FBXO42: variants seen among roughly 807,000 people sequenced by gnomAD.
FBXO42 encodes F-box only protein 42.
Under a neutral mutation model 71.7 loss-of-function variants are expected in FBXO42, and 12 were observed. The ratio of observed to expected loss-of-function variants is 0.17; its 90% CI spans 0.11 to 0.27. FBXO42 has a LOEUF of 0.27. FBXO42 is among the 10% of genes least tolerant of loss of function. The pLI, the probability that FBXO42 is intolerant of heterozygous loss-of-function variation, is 1.00. For missense variants in FBXO42, 707 were observed against 911.9 expected (o/e 0.78, Z 2.89); for synonymous variants, 325 against 327.5 (o/e 0.99, Z 0.08).
chr1:16,287,249 C>T lies in FBXO42; in HGVS notation c.502+7534G>A, dbSNP rs912122260. Among the ~76,000 whole-genome samples, 5 of 152,328 alleles carry T rather than the reference C, an allele frequency of 3.3e-5. No individual in the cohort carries two copies. In the East Asian group the frequency reaches 7.7e-4, roughly 23 times the overall value. On this transcript the variant is annotated intron_variant, in intron 4 of 9. Transcript: ENST00000375592. ...CTGATTATTCTCTGTTTGAAACATT[C>T]GTTTCTCAGATACCCACATGGCTCA...
chr1:16,336,354 T>G (rs2082553438), intron 1 of FBXO42, among the ~76,000 whole-genome samples: 1 of 151,616 alleles, frequency 6.6e-6, no homozygotes, highest in Non-Finnish European at 1.5e-5. Flanking sequence ...CTGCCCTTTT[T>G]TGTTTGTTTT....
At chr1:16,317,854 G>A (rs2082381837) in intron 1 of FBXO42, among the ~76,000 whole-genome samples, 1 of 151,336 alleles carries the variant, frequency 6.6e-6, no homozygotes, top group Admixed American at 6.6e-5. Context: ...AAGAGTTTGA[G>A]GCTACAGGAA....
intron 1 of FBXO42, among the ~76,000 whole-genome samples, chr1:16,342,071 GT>G (rs949395776): frequency 1.3e-5 from 2 of 151,488 alleles, no homozygotes; most frequent in African/African-American, 4.8e-5. Flanking sequence ...GAGCCCAGGG[GT>G]TCAGGACCAC....
chr1:16,350,754 A>G (rs868113894), intron 1 of FBXO42, among the ~76,000 whole-genome samples: 14 of 121,494 alleles, frequency 1.2e-4, no homozygotes, highest in South Asian at 2.4e-4. Context: ...AAAAAAAAAA[A>G]AAAAAAGAAA....
intron 2 of FBXO42, among the ~76,000 whole-genome samples, chr1:16,310,572 A>C (rs1359850776): frequency 1.3e-5 from 2 of 152,096 alleles, no homozygotes; most frequent in Non-Finnish European, 2.9e-5. Context: ...TTAAAACTAA[A>C]AGTTTCTGCT....
intron 4 of FBXO42, among the ~76,000 whole-genome samples, chr1:16,269,151 C>G (rs2081811203): frequency 6.8e-6 from 1 of 147,160 alleles, no homozygotes; most frequent in African/African-American, 2.5e-5. Flanking sequence ...GTCACCCAGA[C>G]TGGAGTGCAG....
chr1:16,256,283 C>T (rs972015537), intron 5 of FBXO42, among the ~76,000 whole-genome samples: 1 of 152,222 alleles, frequency 6.6e-6, no homozygotes, highest in African/African-American at 2.4e-5. Flanking sequence ...TCTGGATCTA[C>T]AACACTCCTG....
Position 16,250,861 on chromosome 1 carries a change from T to C in FBXO42, c.1963A>G (p.Lys655Glu), listed in dbSNP as rs1424443067. The part of the protein sequence containing the change: ...QMYVLDIKDT[K>E]EKGRVKWKVF... Reference sequence around the variant, plus strand: ...TTCCATTTGACCCGCCCCTTCTCCTTGGTGTCTTTAATGTCCAGCACGTAC... The same window carrying C: ...TTCCATTTGACCCGCCCCTTCTCCTCGGTGTCTTTAATGTCCAGCACGTAC... The change falls in exon 10 of 10, where the codon AAG becomes GAG. Residue 655 changes from lysine (K) to glutamate (E), a missense_variant. By Grantham distance (56) the Lys-to-Glu change is moderately conservative. Transcript: ENST00000375592. The surrounding 1 kb of genome is among the most constrained non-coding windows in gnomAD (Gnocchi z 4.7). 6.2e-7 allele frequency: 1 copy of C among 1,613,972 alleles called. No homozygotes were observed. The highest frequency in any genetic ancestry group is 8.5e-7 in the Non-Finnish European group (1 of 1,180,024).
At chr1:16,346,333 A>G (rs2082653899) in intron 1 of FBXO42, among the ~76,000 whole-genome samples, 1 of 152,316 alleles carries the variant, frequency 6.6e-6, no homozygotes, top group African/African-American at 2.4e-5. Context: ...ATTACCAGCT[A>G]AAACCAAAAC....
intron 4 of FBXO42, chr1:16,294,283 G>A (rs2082107653): frequency 6.6e-6 from 1 of 152,324 alleles, no homozygotes; most frequent in African/African-American, 2.4e-5. Context: ...GGCATAGTGG[G>A]ACTGGGTAGG....
chr1:16,275,496 G>A (rs1159985850), intron 4 of FBXO42, among the ~76,000 whole-genome samples: 2 of 152,126 alleles, frequency 1.3e-5, no homozygotes, highest in African/African-American at 4.8e-5. Context: ...GTTCATGCCT[G>A]TAGTCCTTGC....
At chr1:16,264,777 T>TA (rs1243827859) in intron 4 of FBXO42, among the ~76,000 whole-genome samples, 2 of 152,214 alleles carry the variant, frequency 1.3e-5, no homozygotes, top group Non-Finnish European at 2.9e-5. Flanking sequence ...ATAGACACCC[T>TA]ATACAACAGA....
intron 1 of FBXO42, among the ~76,000 whole-genome samples, chr1:16,340,831 G>A (rs1297897639): frequency 6.6e-6 from 1 of 152,190 alleles, no homozygotes; most frequent in Non-Finnish European, 1.5e-5. Flanking sequence ...TTTCACAAAT[G>A]AGGAAAGTGA....
intron 1 of FBXO42, among the ~76,000 whole-genome samples, chr1:16,345,162 G>A (rs936210294): frequency 2.6e-5 from 4 of 151,672 alleles, no homozygotes; most frequent in Middle Eastern, 3.5e-3. Flanking sequence ...GGCAGCTCAC[G>A]CCTGTAATCC....
chr1:16,305,535 GA>G (rs1191049567), intron 3 of FBXO42, among the ~76,000 whole-genome samples: 2 of 152,150 alleles, frequency 1.3e-5, no homozygotes, highest in Non-Finnish European at 2.9e-5. Context: ...GCAACATGGT[GA>G]AACCCCATCT....
chr1:16,345,187 A>C lies in FBXO42; in HGVS notation c.-18+7068T>G, dbSNP rs563658533. On this transcript the variant is annotated intron_variant, in intron 1 of 9. Transcript: ENST00000375592. ...GCCTGTAATCCCAGCACTTTGGGAG[A>C]CCAAGGCAGGCGGATCACGAGGCCA... Among the ~76,000 whole-genome samples the C allele has an allele frequency of 3.4e-5, 5 of 147,182 alleles. No individual in the cohort carries two copies. The East Asian group carries it at 1.1e-3, about 31-fold the overall frequency.
chr1:16,285,887 G>A (rs1018669085), intron 4 of FBXO42, among the ~76,000 whole-genome samples: 12 of 151,842 alleles, frequency 7.9e-5, no homozygotes, highest in African/African-American at 2.9e-4. Context: ...TGTTCTTTTT[G>A]AGATAGGACT....
At position 16,250,542 on chromosome 1, in the gene FBXO42, T is replaced by C. The variant is rs960767320; in HGVS notation, c.*128A>G. 4 of 962,794 alleles carry C rather than the reference T, an allele frequency of 4.2e-6. No homozygotes were observed. In the African/African-American group the frequency reaches 5.0e-5, roughly 12 times the overall value. The allele number at this position is 962,794 out of a possible 1,614,324, so 59.6% of individuals were successfully genotyped here. A position where few individuals can be genotyped will look rare whatever the true frequency, so the allele number is the denominator to read the frequency against. ...AGATTTGATCCCAGCCTGGAGTGAC[T>C]TCGGTTGGGAATTAAAGAGTTTTGG... On this transcript the variant is annotated 3_prime_UTR_variant, in exon 10 of 10. Transcript: ENST00000375592. This position sits in a 1 kb window ranked among gnomAD's most constrained non-coding sequence, Gnocchi z 4.7.
intron 2 of FBXO42, among the ~76,000 whole-genome samples, chr1:16,310,836 C>A (rs974207848): frequency 4.0e-5 from 6 of 151,488 alleles, no homozygotes; most frequent in African/African-American, 1.5e-4. Flanking sequence ...ACCAGCCTGG[C>A]CAACACAGTG....
Sources: allele counts gnomAD v4.1 joint callset (sites outside exome capture counted in the v4.1 genomes callset), GRCh38; gene constraint gnomAD v4.1.1; non-coding constraint Gnocchi (gnomAD v3.1); transcripts MANE v1.5; gene names NCBI Gene and HGNC (gene_info 2026-07-23, HGNC 2026-07-21).